EBF4: variants seen among roughly 807,000 people sequenced by gnomAD.
The protein encoded by EBF4 is EBF transcription factor 4.
EBF4 carries 34 observed loss-of-function variants against 67.1 expected under a neutral mutation model. The ratio of observed to expected loss-of-function variants is 0.51; its 90% CI spans 0.39 to 0.67. EBF4 has a LOEUF of 0.67. Among genes scored for constraint, EBF4 ranks in the 30% least tolerant of loss-of-function variants. EBF4 has a pLI of 0.00. For synonymous variants in EBF4, 387 were observed against 377.7 expected, an observed-to-expected ratio of 1.02 and a Z score of -0.29; for missense variants, 837 against 873.3, an observed-to-expected ratio of 0.96 and a Z score of 0.52.
chr20:2,746,516 A>G (rs761338004), intron 6 of EBF4, among the ~76,000 whole-genome samples: 2 of 152,140 alleles, frequency 1.3e-5, no homozygotes, highest in Non-Finnish European at 2.9e-5. Flanking sequence ...CCAGCTCCCA[A>G]GGAGGGGCTG....
At position 2,752,582 on chromosome 20, in the gene EBF4, C is replaced by T. The variant is rs1470739658; in HGVS notation, c.1540+37C>T. On this transcript the variant is annotated intron_variant, in intron 14 of 16. Coordinates refer to ENST00000609451, the Ensembl canonical transcript of EBF4. ...CCGCCCGCGAGGGAAGGTCTGGGGC[C>T]GGGGAGCGGAACGGGACTCAGCCCC... 7 of 1,226,996 alleles carry T rather than the reference C, an allele frequency of 5.7e-6. No homozygotes were observed. In the East Asian group the frequency reaches 9.6e-5, roughly 17 times the overall value. The allele number at this position is 1,226,996 out of a possible 1,614,324, so 76.0% of individuals were successfully genotyped here.
chr20:2,742,979 C>T (rs1248868027), intron 6 of EBF4, among the ~76,000 whole-genome samples: 1 of 152,186 alleles, frequency 6.6e-6, no homozygotes, highest in Non-Finnish European at 1.5e-5. Context: ...GGAACACCTG[C>T]CCGCAGTTCC....
At chr20:2,705,267 G>A (rs564025504) in intron 1 of EBF4, among the ~76,000 whole-genome samples, 1 of 152,318 alleles carries the variant, frequency 6.6e-6, no homozygotes, top group East Asian at 1.9e-4. Context: ...TTTTGAGACT[G>A]GCCTTGCAAA....
intron 15 of EBF4, among the ~76,000 whole-genome samples, chr20:2,758,520 T>C (rs1160018589): frequency 6.6e-6 from 1 of 152,122 alleles, no homozygotes. Flanking sequence ...ACAAACTTCG[T>C]AGGTGTGGGA....
chr20:2,729,286 C>A (rs538669716), intron 6 of EBF4, among the ~76,000 whole-genome samples: 15 of 152,298 alleles, frequency 9.8e-5, no homozygotes, highest in African/African-American at 3.1e-4. Context: ...GAACCCAAAT[C>A]TGGCTGATGA....
At chr20:2,711,972 G>C (rs562635256) in intron 6 of EBF4, among the ~76,000 whole-genome samples, 3 of 152,188 alleles carry the variant, frequency 2.0e-5, no homozygotes, top group Non-Finnish European at 2.9e-5. Flanking sequence ...GAATATTCTC[G>C]GCAAGAGTGT....
chr20:2,721,464 C>CT (rs1409249728), intron 6 of EBF4, among the ~76,000 whole-genome samples: 3 of 150,524 alleles, frequency 2.0e-5, no homozygotes, highest in Non-Finnish European at 3.0e-5. Flanking sequence ...CTCTAAGTTT[C>CT]TTTTTTTTTA....
exon 14 of EBF4, chr20:2,752,386 C>T (rs2088167838): frequency 3.2e-6 from 4 of 1,252,588 alleles, no homozygotes; most frequent in Admixed American, 3.9e-5. Flanking sequence ...CAGCGCGTCC[C>T]CCCGCGGGTT....
chr20:2,707,844 C>A lies in EBF4; in HGVS notation c.415-103C>A. ...GGCGTGCTCTTCCCTGGGGCAGGGT[C>A]TCCCTGGGCCTAGGCTTGGGAGATG... is the stretch of plus-strand genomic sequence containing the variant. On this transcript the variant is annotated intron_variant, in intron 4 of 16. Coordinates refer to ENST00000609451, the Ensembl canonical transcript of EBF4. The surrounding 1 kb of genome is among the most constrained non-coding windows in gnomAD (Gnocchi z 4.6). 1.7e-6 allele frequency: 2 copies of A among 1,169,426 alleles called. No individual in the cohort carries two copies. The highest frequency in any genetic ancestry group is 1.2e-6 in the Non-Finnish European group (1 of 850,096). The allele number at this position is 1,169,426 out of a possible 1,614,324, so 72.4% of individuals were successfully genotyped here.
At chr20:2,732,493 C>A (rs994617885) in intron 6 of EBF4, among the ~76,000 whole-genome samples, 1 of 152,148 alleles carries the variant, frequency 6.6e-6, no homozygotes, top group Non-Finnish European at 1.5e-5. Context: ...TATAACATGT[C>A]CTTCTTTGTC....
intron 6 of EBF4, among the ~76,000 whole-genome samples, chr20:2,728,664 A>G (rs2087775215): frequency 6.6e-6 from 1 of 152,112 alleles, no homozygotes; most frequent in African/African-American, 2.4e-5. Context: ...GGACCCTCTG[A>G]TGGCCTTTTG....
chr20:2,693,710 C>G lies in EBF4; in HGVS notation c.65C>G (p.Pro22Arg). Residue 22 changes from proline to arginine, a missense_variant, in exon 1 of 17, where the codon CCC becomes CGC. Around this residue, in one of 3 missense-constraint regions of EBF4, gnomAD observed 86 missense variants for 70.3 expected, o/e 1.22. Coordinates refer to ENST00000609451, the Ensembl canonical transcript of EBF4. The surrounding 1 kb of genome is among the most constrained non-coding windows in gnomAD (Gnocchi z 4.6). ...AACCTGAAGGAGGAGCCGCTGCTGC[C>G]CGCCGGCCTGGGCTCAGTGCGCTCC... 7.1e-7 allele frequency: 1 copy of G among 1,418,354 alleles called. No individual in the cohort carries two copies. Among genetic ancestry groups the G allele is most frequent in the Non-Finnish European group, 9.2e-7 (1 of 1,092,170 alleles). The allele number at this position is 1,418,354 out of a possible 1,614,324, so 87.9% of individuals were successfully genotyped here.
At chr20:2,731,132 C>T (rs1017718373) in intron 6 of EBF4, among the ~76,000 whole-genome samples, 9 of 152,190 alleles carry the variant, frequency 5.9e-5, no homozygotes, top group African/African-American at 1.9e-4. Context: ...CTCGTGACCT[C>T]GTGATCCGCC....
In EBF4 at chr20:2,751,093, T is replaced by TAG. The variant is rs2088138422; in HGVS notation, c.1019-607_1019-606insAG. Among the ~76,000 whole-genome samples, 1 of 151,922 alleles carries TAG rather than the reference T, an allele frequency of 6.6e-6. No homozygotes were observed. Among genetic ancestry groups the TAG allele is most frequent in the East Asian group, 1.9e-4 (1 of 5,150 alleles). On this transcript the variant is annotated intron_variant, in intron 10 of 16. Transcript: ENST00000609451. The surrounding 1 kb of genome is among the most constrained non-coding windows in gnomAD (Gnocchi z 5.2). ...GACGCGCATACACACACACACCCCT[T>TAG]GCACAACGCCAGGGTAAGCAGTGAA...
Position 2,751,755 on chromosome 20 carries a change from C to T in EBF4, c.1074C>T (p.Pro358=), listed in dbSNP as rs776254517. 1.9e-6 allele frequency: 3 copies of T among 1,550,592 alleles called. No individual in the cohort carries two copies. Among genetic ancestry groups the T allele is most frequent in the Middle Eastern group, 1.7e-4 (1 of 5,990 alleles). ...TCCAGAGGCTACAGAAAGTCATTCC[C>T]AGACACCCCGGAGACCCCGAGAGGC... The change falls in exon 11 of 17, where the codon CCC becomes CCT. Residue 358 remains proline (P), a synonymous_variant. Transcript: ENST00000609451. The surrounding 1 kb of genome is among the most constrained non-coding windows in gnomAD (Gnocchi z 5.2).
In EBF4 at chr20:2,724,458, T is replaced by G. The variant is rs1454144437; in HGVS notation, c.557+14816T>G. Among the ~76,000 whole-genome samples the G allele has an allele frequency of 3.3e-5, 5 of 152,236 alleles. No individual in the cohort carries two copies. The East Asian group carries it at 9.6e-4, about 29-fold the overall frequency. On this transcript the variant is annotated intron_variant, in intron 6 of 16. Transcript: ENST00000609451. ...CTTTCTAAAGTACATCTTTTAGAAG[T>G]TCCTTGAAAAGATTGGCTGGTAATA... is the stretch of plus-strand genomic sequence containing the variant.
At position 2,746,732 on chromosome 20, in the gene EBF4, G is replaced by A. The variant is rs142762395; in HGVS notation, c.558-1817G>A. Among the ~76,000 whole-genome samples, 1,147 of 152,314 alleles carry A rather than the reference G, an allele frequency of 7.5e-3. 16 individuals are homozygous for A. The highest frequency in any genetic ancestry group is 0.026 in the African/African-American group (1,065 of 41,546). ...TAAGTAGTACATGAGTAACTATACCGTGGTTAAAGTTCCACCCCAGGTTTG... is the reference window on the plus strand; with the variant it reads ...TAAGTAGTACATGAGTAACTATACCATGGTTAAAGTTCCACCCCAGGTTTG... On this transcript the variant is annotated intron_variant, in intron 6 of 16. Transcript: ENST00000609451.
In EBF4 at chr20:2,755,644, C is replaced by A. The variant is rs1248441438; in HGVS notation, c.1558C>A (p.Pro520Thr). ...CCCCGGAGTCATGCCCTCTAGCCCC[C>A]CGCTGGCGGCTGCCTCCTCCATGTC... Residue 520 changes from proline to threonine, a missense_variant, in exon 15 of 17, where the codon CCG becomes ACG. Around this residue, in one of 3 missense-constraint regions of EBF4, gnomAD observed 525 missense variants for 496.5 expected, o/e 1.06. Coordinates refer to ENST00000609451, the Ensembl canonical transcript of EBF4. The surrounding 1 kb of genome is among the most constrained non-coding windows in gnomAD (Gnocchi z 4.7). The A allele has an allele frequency of 2.6e-6, 4 of 1,539,534 alleles. No homozygotes were observed. Among genetic ancestry groups the A allele is most frequent in the Non-Finnish European group, 3.5e-6 (4 of 1,137,698 alleles).
chr20:2,752,053 T>C, intron 12 of EBF4, 33 bp from the exon 13 acceptor site: 1 of 1,464,512 alleles, frequency 6.8e-7, no homozygotes, highest in Non-Finnish European at 9.0e-7. Flanking sequence ...CGCCCGCGGC[T>C]GCCCCGGCCG....
Sources: allele counts gnomAD v4.1 joint callset (sites outside exome capture counted in the v4.1 genomes callset), GRCh38; gene constraint gnomAD v4.1.1; regional missense constraint gnomAD v4.1.1; non-coding constraint Gnocchi (gnomAD v3.1); transcripts MANE v1.5; gene names NCBI Gene and HGNC (gene_info 2026-07-23, HGNC 2026-07-21).